SGCZ: variants seen among roughly 807,000 people sequenced by gnomAD.
SGCZ encodes the protein zeta-sarcoglycan.
SGCZ carries 40 observed loss-of-function variants against 41.3 expected under a neutral mutation model. That is an observed-to-expected ratio of 0.97 (90% CI 0.75 to 1.26). The LOEUF is 1.26. Among genes scored for constraint, SGCZ ranks in the 50% most tolerant of loss-of-function variants. The pLI, the probability that SGCZ is intolerant of heterozygous loss-of-function variation, is 0.00. For missense variants in SGCZ, 552 were observed against 369.8 expected (o/e 1.49, Z -4.04); for synonymous variants, 206 against 137.5 (o/e 1.50, Z -3.49).
chr8:15,225,609 C>T (rs1044329438), intron 1 of SGCZ, among the ~76,000 whole-genome samples: 6 of 151,946 alleles, frequency 3.9e-5, no homozygotes, highest in South Asian at 4.2e-4. Context: ...TATTGTGTTG[C>T]GGAGTGTGGA....
chr8:14,707,802 G>A (rs1809380632), intron 1 of SGCZ, among the ~76,000 whole-genome samples: 1 of 151,964 alleles, frequency 6.6e-6, no homozygotes, highest in African/African-American at 2.4e-5. Context: ...TTTTACCTGT[G>A]GCAAAATAAA....
chr8:14,314,388 G>C (rs962223535), intron 3 of SGCZ, among the ~76,000 whole-genome samples: 1 of 151,924 alleles, frequency 6.6e-6, no homozygotes, highest in African/African-American at 2.4e-5. Flanking sequence ...TCAAAATACA[G>C]ATTTTTTTTC....
At chr8:14,501,942 T>C (rs1802167940) in intron 2 of SGCZ, among the ~76,000 whole-genome samples, 1 of 152,088 alleles carries the variant, frequency 6.6e-6, no homozygotes, top group Admixed American at 6.6e-5. Context: ...AAATTACGCT[T>C]AGAAAAGAAA....
intron 1 of SGCZ, among the ~76,000 whole-genome samples, chr8:14,744,749 T>C (rs962480591): frequency 6.6e-6 from 1 of 152,172 alleles, no homozygotes; most frequent in Admixed American, 6.6e-5. Context: ...GAGAGATTAT[T>C]GCTGAAGAAA....
chr8:15,165,457 C>T (rs1799637903), intron 1 of SGCZ, among the ~76,000 whole-genome samples: 1 of 152,120 alleles, frequency 6.6e-6, no homozygotes, highest in Non-Finnish European at 1.5e-5. Flanking sequence ...TTTGAGGTTA[C>T]AAACTGCTTT....
At chr8:14,827,100 A>G (rs1802354588) in intron 1 of SGCZ, among the ~76,000 whole-genome samples, 1 of 151,890 alleles carries the variant, frequency 6.6e-6, no homozygotes, top group Non-Finnish European at 1.5e-5. Flanking sequence ...TGTTAGACAT[A>G]TCTTTCTTAA....
intron 2 of SGCZ, among the ~76,000 whole-genome samples, chr8:14,480,338 T>G (rs1305166952): frequency 2.0e-5 from 3 of 152,182 alleles, no homozygotes; most frequent in African/African-American, 7.2e-5. Context: ...TTTTCTCTTT[T>G]CTTCAGGACA....
In SGCZ at chr8:15,224,045, G is replaced by A. The variant is rs145935480; in HGVS notation, c.39+13540C>T. Reference sequence around the variant, plus strand: ...AATTTTTTGTATTTTTAGTAGAAACGGGGCTTCACTGTGCTGGCCAGGCTG... The same window carrying A: ...AATTTTTTGTATTTTTAGTAGAAACAGGGCTTCACTGTGCTGGCCAGGCTG... On this transcript the variant is annotated intron_variant, in intron 1 of 7. Coordinates refer to ENST00000382080, the MANE Select transcript of SGCZ (RefSeq NM_139167.4). Among the ~76,000 whole-genome samples, 70 of 152,066 alleles carry A rather than the reference G, an allele frequency of 4.6e-4. No homozygotes were observed. In the East Asian group the frequency reaches 0.013, roughly 29 times the overall value.
intron 1 of SGCZ, among the ~76,000 whole-genome samples, chr8:14,659,309 C>T (rs1048086837): frequency 3.3e-5 from 5 of 152,102 alleles, no homozygotes; most frequent in Non-Finnish European, 1.5e-5. Flanking sequence ...ATTTGATCAT[C>T]ACACAATGAA....
chr8:14,987,510 T>C (rs535013308), intron 1 of SGCZ, among the ~76,000 whole-genome samples: 1 of 152,106 alleles, frequency 6.6e-6, no homozygotes, highest in South Asian at 2.1e-4. Context: ...AAGCAAATAC[T>C]GTAATAGTTG....
intron 1 of SGCZ, among the ~76,000 whole-genome samples, chr8:14,810,623 A>G (rs1801710011): frequency 6.6e-6 from 1 of 152,076 alleles, no homozygotes; most frequent in South Asian, 2.1e-4. Context: ...ACATCAGTTC[A>G]TTGGATATTG....
intron 2 of SGCZ, among the ~76,000 whole-genome samples, chr8:14,367,780 G>A (rs975527391): frequency 1.3e-5 from 2 of 151,932 alleles, no homozygotes; most frequent in African/African-American, 2.4e-5. Flanking sequence ...AAACACTTGG[G>A]GACTGCAATT....
chr8:14,152,649 C>T (rs1335245445), intron 5 of SGCZ, among the ~76,000 whole-genome samples: 1 of 152,114 alleles, frequency 6.6e-6, no homozygotes, highest in Non-Finnish European at 1.5e-5. Context: ...TTGCATCCAC[C>T]ATATGGCCCA....
chr8:14,108,229 T>A lies in SGCZ; in HGVS notation c.554A>T (p.Glu185Val), dbSNP rs2117000925. Residue 185 changes from glutamate to valine, a missense_variant, in exon 6 of 8, where the codon GAA (glutamate) becomes GTA (valine). Physicochemically the swap from Glu to Val is moderately radical, Grantham distance 121. Transcript: ENST00000382080. ...GAEKLKVTGT[E>V]GAVFGHSVET... ...CACAGAGTGCCCAAATACGGCTCCT[T>A]CAGTGCCTGGGGGTAGCATGAATAT... 6.2e-7 allele frequency: 1 copy of A among 1,614,096 alleles called. No homozygotes were observed. The highest frequency in any genetic ancestry group is 8.5e-7 in the Non-Finnish European group (1 of 1,179,994).
At chr8:15,043,398 C>T (rs1408940182) in intron 1 of SGCZ, among the ~76,000 whole-genome samples, 1 of 151,992 alleles carries the variant, frequency 6.6e-6, no homozygotes, top group East Asian at 1.9e-4. Flanking sequence ...TAAATCTATG[C>T]TGGTCCATTT....
chr8:14,195,379 G>C (rs1451176607), intron 4 of SGCZ, among the ~76,000 whole-genome samples: 2 of 151,942 alleles, frequency 1.3e-5, no homozygotes, highest in African/African-American at 4.8e-5. Flanking sequence ...GAAAAAATTA[G>C]AATAAAAAAA....
At chr8:14,861,855 T>C (rs796902966) in intron 1 of SGCZ, among the ~76,000 whole-genome samples, 22 of 152,180 alleles carry the variant, frequency 1.4e-4, no homozygotes, top group African/African-American at 5.1e-4. Flanking sequence ...AATAATCTGT[T>C]CCCTTAATTA....
At chr8:14,539,645 G>T (rs1176547309) in intron 2 of SGCZ, among the ~76,000 whole-genome samples, 1 of 151,986 alleles carries the variant, frequency 6.6e-6, no homozygotes, top group East Asian at 1.9e-4. Flanking sequence ...TTACCCTCCA[G>T]GTATTAAGCC....
At chr8:15,118,872 A>T (rs572045981) in intron 1 of SGCZ, among the ~76,000 whole-genome samples, 2 of 152,238 alleles carry the variant, frequency 1.3e-5, no homozygotes, top group South Asian at 4.1e-4. Context: ...CTGCTATGGT[A>T]TTGGCTTTTT....
Sources: allele counts gnomAD v4.1 joint callset (sites outside exome capture counted in the v4.1 genomes callset), GRCh38; gene constraint gnomAD v4.1.1; transcripts MANE v1.5; gene names NCBI Gene and HGNC (gene_info 2026-07-23, HGNC 2026-07-21).